The following CFAP221 variants were observed in gnomAD, a reference collection of about 807,000 sequenced individuals.
CFAP221 encodes the protein cilia- and flagella-associated protein 221.
In CFAP221, 97 loss-of-function variants were observed where a neutral mutation model predicts 113.1. The ratio of observed to expected loss-of-function variants is 0.86; its 90% CI spans 0.73 to 1.02. The LOEUF is 1.02. CFAP221 is among the 50% of genes least tolerant of loss of function. CFAP221 has a pLI of 0.00. For synonymous variants in CFAP221, 331 were observed against 354.4 expected (o/e 0.93, Z 0.74); for missense variants, 1,025 against 1,013.4 (o/e 1.01, Z -0.16).
chr2:119,578,594 A>G lies in CFAP221; in HGVS notation c.528-8525A>G, dbSNP rs563975536. On this transcript the variant is annotated intron_variant, in intron 6 of 23. Coordinates refer to ENST00000413369, the MANE Select transcript of CFAP221 (RefSeq NM_001271049.2). The stretch of plus-strand genomic sequence containing the variant: ...GTGATACCACCACATGTTATTGTCT[A>G]TGTTATAGCTTACCTTATCCATACA... 7.9e-5 allele frequency among the ~76,000 whole-genome samples: 12 copies of G among 152,324 alleles called. No individual in the cohort carries two copies. In the East Asian group the frequency reaches 1.2e-3, roughly 15 times the overall value.
rs1402869172 is a variant in CFAP221 at position 119,546,085 on chromosome 2, G to A, written c.-47G>A. On this transcript the variant is annotated splice_region_variant and 5_prime_UTR_variant, in exon 2 of 24. Coordinates refer to ENST00000413369, the MANE Select transcript of CFAP221 (RefSeq NM_001271049.2). ...TATACTGCTGCTCTTTCCTCCCCAG[G>A]ACATGACCTTTGGCTCTAAAAAGAA... 6.6e-7 allele frequency: 1 copy of A among 1,504,234 alleles called. No homozygotes were observed. Among genetic ancestry groups the A allele is most frequent in the Admixed American group, 2.3e-5 (1 of 42,702 alleles). The allele number at this position is 1,504,234 out of a possible 1,614,324, so 93.2% of individuals were successfully genotyped here.
At chr2:119,608,954 A>C (rs1220068919) in intron 12 of CFAP221, among the ~76,000 whole-genome samples, 2 of 152,224 alleles carry the variant, frequency 1.3e-5, no homozygotes, top group African/African-American at 4.8e-5. Context: ...TCTACAGAGC[A>C]TGAAGACAAA....
chr2:119,639,182 G>A (rs1038786767), intron 20 of CFAP221, among the ~76,000 whole-genome samples: 1 of 152,156 alleles, frequency 6.6e-6, no homozygotes, highest in African/African-American at 2.4e-5. Flanking sequence ...TCCCTTCAGA[G>A]AAATCTTCCT....
In CFAP221 at chr2:119,602,564, C is replaced by T. The variant is rs372684632; in HGVS notation, c.791+1187C>T. The T allele has an allele frequency of 2.1e-5, 20 of 946,148 alleles. No individual in the cohort carries two copies. In the African/African-American group the frequency reaches 3.2e-4, roughly 15 times the overall value. The allele number at this position is 946,148 out of a possible 1,614,324, so 58.6% of individuals were successfully genotyped here. A position where few individuals can be genotyped will look rare whatever the true frequency, so the allele number is the denominator to read the frequency against. On this transcript the variant is annotated intron_variant, in intron 8 of 23. Coordinates refer to ENST00000413369, the MANE Select transcript of CFAP221 (RefSeq NM_001271049.2). ...AACCTTATATCAAAATATGAACTCA[C>T]TCCATGATATCTTAGATATTTATAT...
At chr2:119,574,702 A>G (rs554328062) in intron 6 of CFAP221, among the ~76,000 whole-genome samples, 5 of 152,274 alleles carry the variant, frequency 3.3e-5, no homozygotes, top group Admixed American at 1.3e-4. Flanking sequence ...ACACACATGC[A>G]TGCACACACA....
intron 2 of CFAP221, among the ~76,000 whole-genome samples, chr2:119,546,738 T>C (rs1198660529): frequency 6.6e-6 from 1 of 152,208 alleles, no homozygotes; most frequent in Non-Finnish European, 1.5e-5. Flanking sequence ...CCCATCGCCA[T>C]GCCCCACTCA....
In CFAP221 at chr2:119,604,773, C is replaced by T. The variant is rs370833302; in HGVS notation, c.893C>T (p.Pro298Leu). 3.2e-6 allele frequency: 5 copies of T among 1,543,296 alleles called. No individual in the cohort carries two copies. Among genetic ancestry groups the T allele is most frequent in the Admixed American group, 2.2e-5 (1 of 44,844 alleles). Residue 298 changes from proline (P) to leucine (L), a missense_variant, in exon 9 of 24, where the codon CCG (proline) becomes CTG (leucine). Physicochemically the swap from Pro to Leu is moderately conservative, Grantham distance 98. Transcript: ENST00000413369. ...HINFHRPPAK[P>L]KPQKVKEIEY... is the part of the protein sequence containing the mutation. ...AATTTTCACCGACCGCCAGCGAAGC[C>T]GAAGCCTCAGAAGGTGAAGGTACGG...
At chr2:119,635,461 C>G (rs1687054898) in intron 19 of CFAP221, among the ~76,000 whole-genome samples, 1 of 152,060 alleles carries the variant, frequency 6.6e-6, no homozygotes, top group Admixed American at 6.6e-5. Flanking sequence ...TCTAGAACAT[C>G]TGAAGTAATC....
intron 7 of CFAP221, among the ~76,000 whole-genome samples, chr2:119,589,443 C>T (rs1479950379): frequency 2.6e-5 from 4 of 152,210 alleles, no homozygotes; most frequent in Non-Finnish European, 4.4e-5. Context: ...TTATTGCCTC[C>T]GTTTTACAAA....
At chr2:119,629,585 G>A (rs1272122910) in intron 16 of CFAP221, among the ~76,000 whole-genome samples, 1 of 152,194 alleles carries the variant, frequency 6.6e-6, no homozygotes, top group East Asian at 1.9e-4. Flanking sequence ...GGCAGCTAGG[G>A]ACTGAGTCCT....
intron 7 of CFAP221, 77 bp from the exon 8 acceptor site, chr2:119,601,141 A>G: frequency 7.6e-7 from 1 of 1,316,784 alleles, no homozygotes; most frequent in Admixed American, 2.5e-5. Context: ...GGTCAGCCAT[A>G]TTTGTGTGTG....
At chr2:119,619,368 G>T (rs1215790391) in intron 14 of CFAP221, among the ~76,000 whole-genome samples, 2 of 152,198 alleles carry the variant, frequency 1.3e-5, no homozygotes, top group Non-Finnish European at 2.9e-5. Context: ...TGCCCCTCTG[G>T]GATGAAGCTT....
rs753313611 is a variant in CFAP221, at chr2:119,630,902, G to T, written c.1974+1G>T. 1.2e-6 allele frequency: 2 copies of T among 1,611,806 alleles called. No homozygotes were observed. The highest frequency in any genetic ancestry group is 1.7e-6 in the Non-Finnish European group (2 of 1,178,054). ...AGATTATGATCCTCTGTATGTTTTT[G>T]TAAGTGACAACTGGCAGAAGCCTTG... On this transcript the variant is annotated splice_donor_variant, in intron 19 of 23. Coordinates refer to ENST00000413369, the MANE Select transcript of CFAP221 (RefSeq NM_001271049.2). LOFTEE classifies it high-confidence loss of function.
chr2:119,602,568 A>T, intron 8 of CFAP221: 3 of 958,138 alleles, frequency 3.1e-6, no homozygotes, highest in Non-Finnish European at 3.7e-6. Flanking sequence ...AACTCACTCC[A>T]TGATATCTTA....
chr2:119,629,813 A>G, intron 16 of CFAP221, 62 bp from the exon 17 acceptor site: 4 of 1,317,700 alleles, frequency 3.0e-6, no homozygotes, highest in Admixed American at 1.8e-5. Flanking sequence ...TAGTGGAAAC[A>G]GAAGCATAGC....
intron 3 of CFAP221, among the ~76,000 whole-genome samples, chr2:119,551,845 G>A (rs940865378): frequency 6.6e-6 from 1 of 152,140 alleles, no homozygotes; most frequent in Non-Finnish European, 1.5e-5. Context: ...GGGGAATATT[G>A]CAACCTTAAG....
chr2:119,566,392 G>A (rs1341447071), intron 6 of CFAP221, among the ~76,000 whole-genome samples: 2 of 152,196 alleles, frequency 1.3e-5, no homozygotes, highest in East Asian at 1.9e-4. Context: ...TCTGATGCAT[G>A]AGAAGCTATC....
intron 7 of CFAP221, among the ~76,000 whole-genome samples, chr2:119,598,931 A>G (rs1379496889): frequency 6.6e-6 from 1 of 152,166 alleles, no homozygotes; most frequent in East Asian, 1.9e-4. Context: ...AGCAGAAGCA[A>G]TAGAATGCTT....
At chr2:119,570,773 A>G (rs1011605742) in intron 6 of CFAP221, among the ~76,000 whole-genome samples, 2 of 152,236 alleles carry the variant, frequency 1.3e-5, no homozygotes, top group Admixed American at 6.5e-5. Flanking sequence ...TTATTTATCC[A>G]TTCATCAGTT....
Sources: allele counts gnomAD v4.1 joint callset (sites outside exome capture counted in the v4.1 genomes callset), GRCh38; gene constraint gnomAD v4.1.1; transcripts MANE v1.5; gene names NCBI Gene and HGNC (gene_info 2026-07-23, HGNC 2026-07-21).